Variants in GABRA4 observed in about 807,000 individuals in gnomAD.
GABRA4 encodes the protein gamma-aminobutyric acid type A receptor subunit alpha4.
GABRA4 carries 12 observed loss-of-function variants against 49.7 expected under a neutral mutation model. That is an observed-to-expected ratio of 0.24 (90% CI 0.15 to 0.39). The LOEUF (loss-of-function observed/expected upper bound fraction) is 0.39. Among genes scored for constraint, GABRA4 ranks in the 10% least tolerant of loss-of-function variants. GABRA4 has a pLI of 1.00. For missense variants in GABRA4, 506 were observed against 686.0 expected, an observed-to-expected ratio of 0.74 and a Z score of 2.93; for synonymous variants, 288 against 240.2, an observed-to-expected ratio of 1.20 and a Z score of -1.84.
At chr4:46,929,061 G>A (rs905362341) in intron 8 of GABRA4, among the ~76,000 whole-genome samples, 3 of 151,872 alleles carry the variant, frequency 2.0e-5, no homozygotes, top group African/African-American at 7.2e-5. Context: ...ATGCTTAATT[G>A]CATTTTAAGA....
intron 2 of GABRA4, among the ~76,000 whole-genome samples, chr4:46,990,605 T>C (rs1723709749): frequency 6.6e-6 from 1 of 152,256 alleles, no homozygotes; most frequent in African/African-American, 2.4e-5. Flanking sequence ...TGGATACTTT[T>C]CTTATTTTTT....
Position 46,924,772 on chromosome 4 carries a change from G to A in GABRA4, c.*3453C>T, listed in dbSNP as rs1214515631. ...ACTTATTTGTGGTTCAAAGTATTCA[G>A]TGTTTTTCTTACAAGAGTATGCTTG... On this transcript the variant is annotated 3_prime_UTR_variant, in exon 9 of 9. Transcript: ENST00000264318. 1.3e-5 allele frequency: 2 copies of A among 151,990 alleles called. No homozygotes were observed. The highest frequency in any genetic ancestry group is 2.9e-5 in the Non-Finnish European group (2 of 67,938). 9.4% of individuals were successfully genotyped at this position (151,990 alleles called of 1,614,324 possible). A position where few individuals can be genotyped will look rare whatever the true frequency, so the allele number is the denominator to read the frequency against.
At chr4:46,933,414 T>C (rs1259740111) in intron 8 of GABRA4, among the ~76,000 whole-genome samples, 1 of 152,134 alleles carries the variant, frequency 6.6e-6, no homozygotes, top group Non-Finnish European at 1.5e-5. Context: ...CTTGACTCAA[T>C]CCCAAGTCTG....
rs756286036 is a variant in GABRA4, at chr4:46,971,266, TCGG to T, written c.722-34_722-32del. ...AAGAAAACAGGAGGAAAATGTGTTATCGGTTCTGCAGGCAATTAGTCAATGGCT... is the reference window on the plus strand; with the variant it reads ...AAGAAAACAGGAGGAAAATGTGTTATTTCTGCAGGCAATTAGTCAATGGCT... On this transcript the variant is annotated intron_variant, in intron 6 of 8. Coordinates refer to ENST00000264318, the MANE Select transcript of GABRA4 (RefSeq NM_000809.4). 1.9e-6 allele frequency: 3 copies of T among 1,604,516 alleles called. No homozygotes were observed. In the Admixed American group the frequency reaches 5.1e-5, roughly 27 times the overall value.
Position 46,977,621 on chromosome 4 carries a change from T to C in GABRA4, c.283A>G (p.Met95Val), listed in dbSNP as rs1179136398. The stretch of plus-strand genomic sequence containing the variant: ...CATGTCTGCCTGAAGAACACATCCA[T>C]TGTGTATTCCTAGGACAATTATTTT... ...PVSDVEMEYT[M>V]DVFFRQTWID... is the part of the protein sequence containing the mutation. Residue 95 changes from methionine to valine, a missense_variant, in exon 4 of 9, where the codon ATG becomes GTG. Physicochemically the swap from Met to Val is conservative, Grantham distance 21. Transcript: ENST00000264318. 2 of 1,608,098 alleles carry C rather than the reference T, an allele frequency of 1.2e-6. No homozygotes were observed. Among genetic ancestry groups the C allele is most frequent in the Non-Finnish European group, 1.7e-6 (2 of 1,175,680 alleles).
chr4:46,944,066 C>T (rs946362731), intron 8 of GABRA4, among the ~76,000 whole-genome samples: 6 of 151,926 alleles, frequency 3.9e-5, no homozygotes, highest in East Asian at 1.9e-4. Context: ...TGCACAGCAT[C>T]GGGACTACGG....
Position 46,923,014 on chromosome 4 carries a change from A to G in GABRA4, c.*5211T>C, listed in dbSNP as rs1029376819. 6.6e-6 allele frequency: 1 copy of G among 152,070 alleles called. No homozygotes were observed. The highest frequency in any genetic ancestry group is 1.5e-5 in the Non-Finnish European group (1 of 68,014). The allele number at this position is 152,070 out of a possible 1,614,324, so 9.4% of individuals were successfully genotyped here. ...ATTAGATTCTCATAGGAGGGCATGC[A>G]AGGTTGTCCGCTCCTTATGAGAATC... On this transcript the variant is annotated 3_prime_UTR_variant, in exon 9 of 9. Coordinates refer to ENST00000264318, the MANE Select transcript of GABRA4 (RefSeq NM_000809.4).
chr4:46,953,304 C>A (rs1722236372), intron 8 of GABRA4, among the ~76,000 whole-genome samples: 1 of 151,936 alleles, frequency 6.6e-6, no homozygotes, highest in African/African-American at 2.4e-5. Context: ...TTGTAGTGTC[C>A]CTTGGTCCAA....
intron 6 of GABRA4, among the ~76,000 whole-genome samples, chr4:46,973,384 T>A (rs746998891): frequency 8.6e-5 from 13 of 151,742 alleles, no homozygotes; most frequent in Non-Finnish European, 1.8e-4. Context: ...GGTCCCCATG[T>A]GAGGACTTAT....
rs143502498 is a variant in GABRA4 at position 46,921,292 on chromosome 4, T to C, written c.*6933A>G. 2.2e-3 allele frequency: 330 copies of C among 152,014 alleles called. 2 individuals are homozygous for C. Among genetic ancestry groups the C allele is most frequent in the African/African-American group, 7.3e-3 (305 of 41,528 alleles). 9.4% of individuals were successfully genotyped at this position (152,014 alleles called of 1,614,324 possible). On this transcript the variant is annotated 3_prime_UTR_variant, in exon 9 of 9. Transcript: ENST00000264318. The stretch of plus-strand genomic sequence containing the variant: ...AGTACTTCACTAATCTACTGATGAA[T>C]TGAAGGACAGGAAAATATAAACAGT...
chr4:46,935,573 A>AT (rs1175125634), intron 8 of GABRA4, among the ~76,000 whole-genome samples: 8 of 152,112 alleles, frequency 5.3e-5, no homozygotes, highest in Admixed American at 3.9e-4. Context: ...ACCAAAGCAA[A>AT]TGATCACTGA....
intron 2 of GABRA4, among the ~76,000 whole-genome samples, chr4:46,989,780 C>A (rs1723678725): frequency 6.6e-6 from 1 of 152,180 alleles, no homozygotes; most frequent in African/African-American, 2.4e-5. Flanking sequence ...AGAGCAGAAG[C>A]AGGATTATAG....
chr4:46,990,962 T>A (rs1723720297), intron 2 of GABRA4, among the ~76,000 whole-genome samples: 1 of 152,184 alleles, frequency 6.6e-6, no homozygotes, highest in South Asian at 2.1e-4. Flanking sequence ...GTGGATCACT[T>A]GAGGTCAGGA....
At chr4:46,972,715 A>G (rs2109387183) in intron 6 of GABRA4, among the ~76,000 whole-genome samples, 1 of 151,790 alleles carries the variant, frequency 6.6e-6, no homozygotes, top group South Asian at 2.1e-4. Context: ...TTCACCTTAC[A>G]GAACAGAAAT....
At chr4:46,960,462 G>A (rs1228624886) in intron 8 of GABRA4, among the ~76,000 whole-genome samples, 1 of 151,424 alleles carries the variant, frequency 6.6e-6, no homozygotes, top group Non-Finnish European at 1.5e-5. Context: ...TTTTCAATTT[G>A]GCTTCAAACA....
At chr4:46,988,457 G>A (rs1723619146) in intron 2 of GABRA4, among the ~76,000 whole-genome samples, 1 of 152,090 alleles carries the variant, frequency 6.6e-6, no homozygotes, top group Non-Finnish European at 1.5e-5. Flanking sequence ...GCTGAGAAGT[G>A]CTCTTTTTGT....
intron 2 of GABRA4, among the ~76,000 whole-genome samples, chr4:46,983,986 A>G (rs932080912): frequency 6.6e-6 from 1 of 152,116 alleles, no homozygotes; most frequent in African/African-American, 2.4e-5. Context: ...TTCCCATCTA[A>G]TTAATGAGTC....
intron 2 of GABRA4, among the ~76,000 whole-genome samples, chr4:46,985,852 A>T (rs1723514481): frequency 6.6e-6 from 1 of 152,002 alleles, no homozygotes; most frequent in Non-Finnish European, 1.5e-5. Flanking sequence ...CTTGTTTTCT[A>T]AAAGACGTAT....
At position 46,959,079 on chromosome 4, in the gene GABRA4, C is replaced by T. The variant is rs974522586; in HGVS notation, c.1134+5891G>A. Among the ~76,000 whole-genome samples, 7 of 151,952 alleles carry T rather than the reference C, an allele frequency of 4.6e-5. No homozygotes were observed. In the East Asian group the frequency reaches 5.8e-4, roughly 13 times the overall value. ...GAATAAATATTTCTTTCTAGTTATA[C>T]GTTGTAACATTTTGCTCTTAACATA... On this transcript the variant is annotated intron_variant, in intron 8 of 8. Coordinates refer to ENST00000264318, the MANE Select transcript of GABRA4 (RefSeq NM_000809.4).
Sources: allele counts gnomAD v4.1 joint callset (sites outside exome capture counted in the v4.1 genomes callset), GRCh38; gene constraint gnomAD v4.1.1; transcripts MANE v1.5; gene names NCBI Gene and HGNC (gene_info 2026-07-23, HGNC 2026-07-21).